Variants in DNAH7 observed in about 807,000 individuals in gnomAD.
DNAH7 encodes the protein axonemal beta dynein heavy chain 7.
Under a neutral mutation model 444.6 loss-of-function variants are expected in DNAH7, and 397 were observed. The ratio of observed to expected loss-of-function variants is 0.89; its 90% CI spans 0.82 to 0.97. DNAH7 has a LOEUF of 0.97. DNAH7 is among the 50% of genes least tolerant of loss of function. DNAH7 has a pLI of 0.00. For synonymous variants in DNAH7, 1,636 were observed against 1,624.4 expected (o/e 1.01, Z -0.17); for missense variants, 4,902 against 4,800.8 (o/e 1.02, Z -0.62).
rs775629896 is a variant in DNAH7, at chr2:195,796,688, C to T, written c.10403G>A (p.Gly3468Glu). The T allele has an allele frequency of 1.4e-5, 22 of 1,614,024 alleles. No individual in the cohort carries two copies. Among genetic ancestry groups the T allele is most frequent in the East Asian group, 2.2e-5 (1 of 44,884 alleles). ...TTCTAACATCTTCATAGCAATGGGC[C>T]CTTGGCCTTGACCAAGAGATAAAGA... is the stretch of plus-strand genomic sequence containing the variant. ...LSSLSLGQGQGPIAMKMLEKA... is the reference protein window; with the variant it reads ...LSSLSLGQGQEPIAMKMLEKA... The change falls in exon 56 of 65, where the codon GGG becomes GAG. Residue 3468 changes from glycine (G) to glutamate (E), a missense_variant. Coordinates refer to ENST00000312428, the MANE Select transcript of DNAH7 (RefSeq NM_018897.3).
intron 12 of DNAH7, among the ~76,000 whole-genome samples, chr2:195,993,613 G>T (rs142305724): frequency 4.6e-5 from 7 of 152,146 alleles, no homozygotes; most frequent in African/African-American, 1.4e-4. Context: ...TTTGAAAACA[G>T]GTTCTTCATC....
intron 43 of DNAH7, among the ~76,000 whole-genome samples, chr2:195,857,983 T>C (rs1370438274): frequency 4.6e-5 from 7 of 152,200 alleles, no homozygotes; most frequent in Non-Finnish European, 7.3e-5. Flanking sequence ...TAACTTTTAA[T>C]ACACCTCATG....
At chr2:195,987,877 G>A in intron 13 of DNAH7, 80 bp downstream of exon 13, 8 of 1,319,362 alleles carry the variant, frequency 6.1e-6, no homozygotes, top group Non-Finnish European at 8.3e-6. Flanking sequence ...AATTATCTGT[G>A]TTCTAAAAAT....
intron 12 of DNAH7, 38 bp from the exon 13 acceptor site, chr2:195,988,267 C>G (rs751957035): frequency 4.1e-6 from 6 of 1,463,898 alleles, no homozygotes; most frequent in Non-Finnish European, 1.8e-6. Context: ...TTTAAAATAT[C>G]TTAAAGTAAC....
Position 195,737,764 on chromosome 2 carries a change from T to C in DNAH7, c.*157A>G. 1.6e-6 allele frequency: 1 copy of C among 627,946 alleles called. No homozygotes were observed. Among genetic ancestry groups the C allele is most frequent in the Non-Finnish European group, 2.7e-6 (1 of 365,958 alleles). 38.9% of individuals were successfully genotyped at this position (627,946 alleles called of 1,614,324 possible). On this transcript the variant is annotated 3_prime_UTR_variant, in exon 65 of 65. Transcript: ENST00000312428. ...TTTCCTTACATTTAAGTATGAGTCA[T>C]ATTAAGTTTAGCTGCATTTGCTCAT...
chr2:195,946,021 T>C (rs1689778954), intron 19 of DNAH7, among the ~76,000 whole-genome samples: 1 of 152,142 alleles, frequency 6.6e-6, no homozygotes, highest in South Asian at 2.1e-4. Context: ...AACTGACATC[T>C]TTCCTAGCTG....
intron 2 of DNAH7, among the ~76,000 whole-genome samples, chr2:196,053,352 C>T (rs545335370): frequency 5.9e-5 from 9 of 152,310 alleles, no homozygotes; most frequent in Admixed American, 3.9e-4. Flanking sequence ...TCTCAGTTTG[C>T]GGAAGACAGT....
At chr2:196,062,461 T>TA (rs1271176125) in intron 1 of DNAH7, among the ~76,000 whole-genome samples, 2 of 152,244 alleles carry the variant, frequency 1.3e-5, no homozygotes, top group African/African-American at 4.8e-5. Context: ...AGTGCATGAT[T>TA]AGTAATCTCA....
At chr2:195,932,329 T>C (rs1197846455) in intron 21 of DNAH7, among the ~76,000 whole-genome samples, 2 of 152,174 alleles carry the variant, frequency 1.3e-5, no homozygotes, top group Non-Finnish European at 2.9e-5. Context: ...GCTGAGACAG[T>C]GGGGTTTTCT....
chr2:196,015,235 A>G (rs951560779), intron 9 of DNAH7, among the ~76,000 whole-genome samples: 3 of 152,180 alleles, frequency 2.0e-5, no homozygotes, highest in African/African-American at 4.8e-5. Context: ...GTTTCTCAGT[A>G]TAGTTTTAAT....
intron 3 of DNAH7, among the ~76,000 whole-genome samples, chr2:196,050,355 G>C (rs1475561100): frequency 1.3e-5 from 2 of 152,080 alleles, no homozygotes; most frequent in Non-Finnish European, 2.9e-5. Flanking sequence ...GGAAAATGGG[G>C]AGTCATTGTT....
At chr2:196,044,565 A>G (rs1559364808) in intron 5 of DNAH7, among the ~76,000 whole-genome samples, 2 of 152,122 alleles carry the variant, frequency 1.3e-5, no homozygotes, top group Non-Finnish European at 2.9e-5. Flanking sequence ...GTAACCAAAC[A>G]CCACCTGTTT....
At position 195,957,368 on chromosome 2, in the gene DNAH7, C is replaced by T; in HGVS notation, c.2971G>A (p.Glu991Lys). The change falls in exon 19 of 65, where the codon GAG (glutamate) becomes AAG (lysine). Residue 991 changes from glutamate (E) to lysine (K), a missense_variant. Coordinates refer to ENST00000312428, the MANE Select transcript of DNAH7 (RefSeq NM_018897.3). ...LKVQATWLYL[E>K]PIFSSPDIMS... ...ATGTCTGGAGAGCTGAAAATGGGCT[C>T]CAGATACAGCCACGTGGCTTGGACT... 1 of 1,606,328 alleles carries T rather than the reference C, an allele frequency of 6.2e-7. No individual in the cohort carries two copies. The highest frequency in any genetic ancestry group is 1.1e-5 in the South Asian group (1 of 90,054).
chr2:196,014,984 G>T (rs552135322), intron 9 of DNAH7, among the ~76,000 whole-genome samples: 1 of 152,016 alleles, frequency 6.6e-6, no homozygotes, highest in South Asian at 2.1e-4. Flanking sequence ...AATGGATGCT[G>T]GCTTGTTTCC....
At chr2:195,861,616 T>C (rs1338745167) in intron 42 of DNAH7, 101 bp downstream of exon 42, 1 of 814,780 alleles carries the variant, frequency 1.2e-6, no homozygotes, top group African/African-American at 1.7e-5. Flanking sequence ...TTACAGTATA[T>C]TTCTACGAAA....
At chr2:196,054,681 T>C (rs1464626416) in intron 2 of DNAH7, among the ~76,000 whole-genome samples, 4 of 152,188 alleles carry the variant, frequency 2.6e-5, no homozygotes, top group African/African-American at 9.7e-5. Flanking sequence ...TCTTGAATTA[T>C]AGTTCCCATA....
chr2:196,007,728 C>T (rs576586405), intron 10 of DNAH7, among the ~76,000 whole-genome samples: 1 of 152,256 alleles, frequency 6.6e-6, no homozygotes, highest in South Asian at 2.1e-4. Context: ...TGCCCTCTTG[C>T]CTGTCGCCAT....
At chr2:196,048,237 T>C in intron 4 of DNAH7, 59 bp downstream of exon 4, 1 of 1,432,978 alleles carries the variant, frequency 7.0e-7, no homozygotes, top group South Asian at 1.2e-5. Flanking sequence ...AACTAAATAT[T>C]GTCTGGTCTC....
intron 16 of DNAH7, among the ~76,000 whole-genome samples, chr2:195,971,762 A>G (rs1206922796): frequency 6.6e-6 from 1 of 152,054 alleles, no homozygotes; most frequent in African/African-American, 2.4e-5. Context: ...TATATGGAAG[A>G]CTGCCCCCTC....
Sources: allele counts gnomAD v4.1 joint callset (sites outside exome capture counted in the v4.1 genomes callset), GRCh38; gene constraint gnomAD v4.1.1; transcripts MANE v1.5; gene names NCBI Gene and HGNC (gene_info 2026-07-23, HGNC 2026-07-21).